FSTL5: variants seen among roughly 807,000 people sequenced by gnomAD.
The protein encoded by FSTL5 is follistatin like 5, also known as follistatin-related protein 5.
FSTL5 carries 62 observed loss-of-function variants against 89.1 expected under a neutral mutation model. The observed-to-expected ratio is 0.70, with a 90% CI of 0.57 to 0.86. The LOEUF is 0.86. Among genes scored for constraint, FSTL5 ranks in the 40% least tolerant of loss-of-function variants. The probability of loss-of-function intolerance (pLI) is 0.00; values close to 1 mark genes in which losing one functional copy is unlikely to be tolerated. For synonymous variants in FSTL5, 383 were observed against 346.2 expected (o/e 1.11, Z -1.18); for missense variants, 1,057 against 1,001.6 (o/e 1.06, Z -0.75).
intron 2 of FSTL5, among the ~76,000 whole-genome samples, chr4:162,098,813 A>G (rs1730870642): frequency 6.6e-6 from 1 of 152,116 alleles, no homozygotes; most frequent in Admixed American, 6.6e-5. Flanking sequence ...CAAAAGCAAT[A>G]CAATCGAGCA....
chr4:162,140,309 T>C (rs1732676715), intron 1 of FSTL5, among the ~76,000 whole-genome samples: 1 of 152,170 alleles, frequency 6.6e-6, no homozygotes, highest in Non-Finnish European at 1.5e-5. Flanking sequence ...CAAGGAAATA[T>C]ATGCACAAAT....
At chr4:162,015,766 T>A (rs541919670) in intron 3 of FSTL5, among the ~76,000 whole-genome samples, 2 of 152,298 alleles carry the variant, frequency 1.3e-5, no homozygotes, top group South Asian at 4.1e-4. Context: ...TTCTACTTTT[T>A]TCTTTACTCT....
intron 10 of FSTL5, among the ~76,000 whole-genome samples, chr4:161,526,878 C>G (rs144994769): frequency 6.6e-6 from 1 of 152,090 alleles, no homozygotes; most frequent in South Asian, 2.1e-4. Flanking sequence ...AGTCAGGTAT[C>G]GTGATGGCTC....
chr4:161,564,893 T>C lies in FSTL5; in HGVS notation c.1016-22200A>G, dbSNP rs1394890608. Among the ~76,000 whole-genome samples, 9 of 151,874 alleles carry C rather than the reference T, an allele frequency of 5.9e-5. No homozygotes were observed. The South Asian group carries it at 1.2e-3, about 21-fold the overall frequency. On this transcript the variant is annotated intron_variant, in intron 8 of 15. Coordinates refer to ENST00000306100, the MANE Select transcript of FSTL5 (RefSeq NM_020116.5). ...GAGCTGGAGGAAACTTCCAATTCAA[T>C]AGCATAAATTATCTATAATAGTGAT... is the stretch of plus-strand genomic sequence containing the variant.
chr4:161,672,507 C>T (rs1288695581), intron 6 of FSTL5, among the ~76,000 whole-genome samples: 5 of 151,922 alleles, frequency 3.3e-5, no homozygotes, highest in Admixed American at 3.3e-4. Flanking sequence ...TTTTGCATTT[C>T]TCCAACATTC....
At chr4:161,863,155 G>T (rs1731971537) in intron 4 of FSTL5, among the ~76,000 whole-genome samples, 1 of 152,088 alleles carries the variant, frequency 6.6e-6, no homozygotes, top group African/African-American at 2.4e-5. Flanking sequence ...TTTGTTAACA[G>T]GTATGAAGCA....
chr4:161,510,386 T>A lies in FSTL5; in HGVS notation c.1339+12A>T, dbSNP rs1468097997. ...AAAATTGTCACAACATAAAAATAAT[T>A]CAACTTAGTACCTTCTTCTCTCCAT... On this transcript the variant is annotated intron_variant, in intron 11 of 15. Transcript: ENST00000306100. 3 of 1,510,508 alleles carry A rather than the reference T, an allele frequency of 2.0e-6. No individual in the cohort carries two copies. Among genetic ancestry groups the A allele is most frequent in the Non-Finnish European group, 2.7e-6 (3 of 1,121,684 alleles). 93.6% of individuals were successfully genotyped at this position (1,510,508 alleles called of 1,614,324 possible).
Position 161,950,338 on chromosome 4 carries a change from T to C in FSTL5, c.161-29686A>G, listed in dbSNP as rs564278359. 4.6e-4 allele frequency among the ~76,000 whole-genome samples: 70 copies of C among 152,330 alleles called. No individual in the cohort carries two copies. The East Asian group carries it at 0.01, about 22-fold the overall frequency. On this transcript the variant is annotated intron_variant, in intron 3 of 15. Transcript: ENST00000306100. The stretch of plus-strand genomic sequence containing the variant: ...TTTGCTGTCCACTCTTATTCCTCAA[T>C]TGATGGCATTTAGGTGCTTTCTTTT...
At chr4:161,843,566 A>C (rs1169890438) in intron 4 of FSTL5, among the ~76,000 whole-genome samples, 1 of 152,132 alleles carries the variant, frequency 6.6e-6, no homozygotes, top group Non-Finnish European at 1.5e-5. Context: ...GCAGTAACCA[A>C]AACAGCATGG....
intron 7 of FSTL5, among the ~76,000 whole-genome samples, chr4:161,654,523 T>C (rs755610835): frequency 6.6e-6 from 1 of 152,120 alleles, no homozygotes; most frequent in Non-Finnish European, 1.5e-5. Context: ...ATTCTCCAGA[T>C]AGTCTTTAAG....
intron 6 of FSTL5, among the ~76,000 whole-genome samples, chr4:161,671,411 A>G (rs1353551509): frequency 6.6e-6 from 1 of 152,182 alleles, no homozygotes; most frequent in East Asian, 1.9e-4. Context: ...GACTGCGTTC[A>G]GCTCTATATA....
intron 8 of FSTL5, among the ~76,000 whole-genome samples, chr4:161,580,769 G>T: frequency 6.6e-6 from 1 of 151,988 alleles, no homozygotes. Context: ...GTTAGATTGG[G>T]GCAAAAGTAA....
chr4:161,721,650 T>G (rs1328602388), intron 6 of FSTL5, among the ~76,000 whole-genome samples: 3 of 152,204 alleles, frequency 2.0e-5, no homozygotes, highest in Non-Finnish European at 4.4e-5. Flanking sequence ...CATTCTTTCC[T>G]TGTAATGCAA....
chr4:161,393,980 G>C (rs1730914408), intron 15 of FSTL5, among the ~76,000 whole-genome samples: 1 of 152,106 alleles, frequency 6.6e-6, no homozygotes, highest in Admixed American at 6.6e-5. Flanking sequence ...AGTGTATCTG[G>C]GGATGGAAAC....
At chr4:161,987,132 G>C (rs549038997) in intron 3 of FSTL5, among the ~76,000 whole-genome samples, 26 of 152,054 alleles carry the variant, frequency 1.7e-4, no homozygotes, top group Non-Finnish European at 3.5e-4. Flanking sequence ...TCGACATCTA[G>C]TTTTGTCTTA....
At chr4:161,610,541 A>G (rs1238010217) in intron 7 of FSTL5, among the ~76,000 whole-genome samples, 2 of 152,164 alleles carry the variant, frequency 1.3e-5, no homozygotes, top group African/African-American at 4.8e-5. Context: ...AGGACAATAT[A>G]TAAAACCCAG....
intron 1 of FSTL5, among the ~76,000 whole-genome samples, chr4:162,132,229 A>AT (rs1732329831): frequency 6.6e-6 from 1 of 152,204 alleles, no homozygotes; most frequent in Admixed American, 6.5e-5. Context: ...TGTTATCTAT[A>AT]TAAGTACCCT....
intron 13 of FSTL5, among the ~76,000 whole-genome samples, chr4:161,460,648 A>G (rs1482810665): frequency 6.6e-6 from 1 of 152,160 alleles, no homozygotes; most frequent in Non-Finnish European, 1.5e-5. Context: ...TCTTTTCGAA[A>G]ATAATGCCCT....
rs542237854 is a variant in FSTL5 at position 161,612,219 on chromosome 4, A to C, written c.895-24644T>G. On this transcript the variant is annotated intron_variant, in intron 7 of 15. Transcript: ENST00000306100. ...ACTTTAGAATAAAGAGAAAGCAATA[A>C]GATAAAATATAGAGGAAATGAATTT... Among the ~76,000 whole-genome samples the C allele has an allele frequency of 6.6e-5, 10 of 152,386 alleles. No individual in the cohort carries two copies. In the South Asian group the frequency reaches 2.1e-3, roughly 32 times the overall value.
Sources: allele counts gnomAD v4.1 joint callset (sites outside exome capture counted in the v4.1 genomes callset), GRCh38; gene constraint gnomAD v4.1.1; transcripts MANE v1.5; gene names NCBI Gene and HGNC (gene_info 2026-07-23, HGNC 2026-07-21).